GRM7: variants seen among roughly 807,000 people sequenced by gnomAD.
GRM7 encodes the protein metabotropic glutamate receptor 7.
Under a neutral mutation model 84.5 loss-of-function variants are expected in GRM7, and 35 were observed. The observed-to-expected ratio is 0.41, with a 90% confidence interval of 0.32 to 0.55. GRM7 has a LOEUF of 0.55. GRM7 is among the 20% of genes least tolerant of loss of function. GRM7 has a pLI of 0.19. For missense variants in GRM7, 1,003 were observed against 1,194.6 expected, an observed-to-expected ratio of 0.84 and a Z score of 2.36; for synonymous variants, 487 against 455.1, an observed-to-expected ratio of 1.07 and a Z score of -0.89.
Position 7,134,300 on chromosome 3 carries a change from A to G in GRM7, c.520-12152A>G, listed in dbSNP as rs114677112. Among the ~76,000 whole-genome samples, 851 of 152,158 alleles carry G rather than the reference A, an allele frequency of 5.6e-3. 9 individuals are homozygous for G. Among genetic ancestry groups the G allele is most frequent in the African/African-American group, 0.019 (801 of 41,490 alleles). On this transcript the variant is annotated intron_variant, in intron 1 of 9. Coordinates refer to ENST00000357716, the MANE Select transcript of GRM7 (RefSeq NM_000844.4). ...GCTTCTTCCTTATTTTCCATGTTCC[A>G]TAAAAAAATGGGATGAGACAAGTTC...
At chr3:7,389,765 T>C (rs1694919311) in intron 4 of GRM7, among the ~76,000 whole-genome samples, 1 of 152,166 alleles carries the variant, frequency 6.6e-6, no homozygotes, top group Non-Finnish European at 1.5e-5. Flanking sequence ...GATGGATGTC[T>C]TGAAGGGGCA....
At chr3:7,444,774 G>A (rs1307540906) in intron 5 of GRM7, among the ~76,000 whole-genome samples, 1 of 152,082 alleles carries the variant, frequency 6.6e-6, no homozygotes, top group Non-Finnish European at 1.5e-5. Context: ...ATTGAAAATG[G>A]AATTGCAGAA....
intron 1 of GRM7, among the ~76,000 whole-genome samples, chr3:7,057,388 G>A (rs1697266951): frequency 6.6e-6 from 1 of 151,852 alleles, no homozygotes; most frequent in South Asian, 2.1e-4. Context: ...TAATGCAATG[G>A]TTATCTCTAG....
intron 7 of GRM7, among the ~76,000 whole-genome samples, chr3:7,562,108 C>T (rs890817396): frequency 4.6e-5 from 7 of 152,210 alleles, no homozygotes; most frequent in Middle Eastern, 3.4e-3. Flanking sequence ...TTGAATACAA[C>T]GCTTTTGATT....
At chr3:7,291,500 CT>C (rs1699621716) in intron 2 of GRM7, among the ~76,000 whole-genome samples, 8 of 3,716 alleles carry the variant, frequency 2.2e-3, no homozygotes, top group Non-Finnish European at 2.9e-3. Context: ...CTCTCTCTCT[CT>C]CTCTCTCTCT....
intron 2 of GRM7, among the ~76,000 whole-genome samples, chr3:7,209,307 T>C (rs1457690696): frequency 2.8e-4 from 42 of 152,142 alleles, no homozygotes; most frequent in Admixed American, 2.8e-3. Flanking sequence ...GTTTGAACTG[T>C]TTATTGCTGT....
chr3:7,624,805 T>C (rs886428805), intron 8 of GRM7, among the ~76,000 whole-genome samples: 2 of 152,150 alleles, frequency 1.3e-5, no homozygotes, highest in African/African-American at 4.8e-5. Context: ...CTCTGTGTCT[T>C]TTCAAAGGTT....
intron 1 of GRM7, among the ~76,000 whole-genome samples, chr3:7,026,461 G>A (rs1042420878): frequency 5.3e-5 from 8 of 152,288 alleles, no homozygotes; most frequent in African/African-American, 1.4e-4. Context: ...AGAATTTGCC[G>A]TGTTGAATAT....
At chr3:6,895,737 A>T (rs1223425907) in intron 1 of GRM7, among the ~76,000 whole-genome samples, 1 of 152,196 alleles carries the variant, frequency 6.6e-6, no homozygotes, top group Non-Finnish European at 1.5e-5. Context: ...ATGGCATAAG[A>T]ATATTTGAAT....
intron 1 of GRM7, among the ~76,000 whole-genome samples, chr3:6,864,610 A>T (rs1010055919): frequency 1.3e-5 from 2 of 152,164 alleles, no homozygotes; most frequent in African/African-American, 4.8e-5. Context: ...CTTTCCAGTG[A>T]TTTGAGTTTT....
chr3:7,472,669 G>A (rs1698751411), intron 7 of GRM7, among the ~76,000 whole-genome samples: 1 of 152,180 alleles, frequency 6.6e-6, no homozygotes, highest in Admixed American at 6.5e-5. Context: ...AGTGAGAGAT[G>A]AGGCAACAAA....
At chr3:7,654,267 A>G (rs998065760) in intron 8 of GRM7, among the ~76,000 whole-genome samples, 2 of 152,188 alleles carry the variant, frequency 1.3e-5, no homozygotes, top group African/African-American at 4.8e-5. Flanking sequence ...CCTGGACATG[A>G]GTTTGTCCTT....
intron 8 of GRM7, among the ~76,000 whole-genome samples, chr3:7,666,031 G>GGACTT (rs1291633205): frequency 1.3e-5 from 2 of 152,094 alleles, no homozygotes; most frequent in Non-Finnish European, 2.9e-5. Flanking sequence ...TGGGAGAGTA[G>GGACTT]GACTTGAGAT....
Position 7,229,739 on chromosome 3 carries a change from ATATATATATATATATATATATTTT to A in GRM7, c.737-68943_737-68920del, listed in dbSNP as rs1559514551. On this transcript the variant is annotated intron_variant, in intron 2 of 9. Coordinates refer to ENST00000357716, the MANE Select transcript of GRM7 (RefSeq NM_000844.4). ...CATAGACACACACATATATATATAT[ATATATATATATATATATATATTTT>A]TTTTTTTTTTTGGTTGACAGGTGTT... Among the ~76,000 whole-genome samples the A allele has an allele frequency of 1.4e-3, 38 of 26,244 alleles. 2 individuals carry two copies. The highest frequency in any genetic ancestry group is 5.0e-3 in the African/African-American group (35 of 6,986). 17.2% of individuals were successfully genotyped at this position (26,244 alleles called of 152,430 possible). A position where few individuals can be genotyped will look rare whatever the true frequency, so the allele number is the denominator to read the frequency against.
chr3:6,919,923 G>A (rs1052011822), intron 1 of GRM7, among the ~76,000 whole-genome samples: 6 of 152,084 alleles, frequency 3.9e-5, no homozygotes, highest in African/African-American at 1.4e-4. Flanking sequence ...TAGAGGTGAA[G>A]CTTAGTTTCT....
At position 7,086,602 on chromosome 3, in the gene GRM7, G is replaced by A. The variant is rs114561306; in HGVS notation, c.520-59850G>A. On this transcript the variant is annotated intron_variant, in intron 1 of 9. Coordinates refer to ENST00000357716, the MANE Select transcript of GRM7 (RefSeq NM_000844.4). ...CTTCTGTGCAACTTGATGTTTGCCAGCCTCTAGAGCTCCACATCAACGTAT... is the reference window on the plus strand; with the variant it reads ...CTTCTGTGCAACTTGATGTTTGCCAACCTCTAGAGCTCCACATCAACGTAT... Among the ~76,000 whole-genome samples, 761 of 152,294 alleles carry A rather than the reference G, an allele frequency of 5.0e-3. 5 individuals carry two copies. Among genetic ancestry groups the A allele is most frequent in the Admixed American group, 9.2e-3 (140 of 15,296 alleles).
At chr3:7,219,679 C>T (rs752508576) in intron 2 of GRM7, among the ~76,000 whole-genome samples, 31 of 152,216 alleles carry the variant, frequency 2.0e-4, no homozygotes, top group African/African-American at 7.0e-4. Context: ...GGTTAGTGTT[C>T]GCATATTTTC....
chr3:7,439,608 G>A (rs568284568), intron 5 of GRM7, among the ~76,000 whole-genome samples: 1 of 152,140 alleles, frequency 6.6e-6, no homozygotes, highest in South Asian at 2.1e-4. Context: ...GACATACAGG[G>A]GTTAGGAATA....
At chr3:7,659,202 T>G (rs964237409) in intron 8 of GRM7, among the ~76,000 whole-genome samples, 2 of 152,238 alleles carry the variant, frequency 1.3e-5, no homozygotes, top group African/African-American at 4.8e-5. Context: ...TGAATATTAC[T>G]GCTTCCATAC....
Sources: allele counts gnomAD v4.1 joint callset (sites outside exome capture counted in the v4.1 genomes callset), GRCh38; gene constraint gnomAD v4.1.1; transcripts MANE v1.5; gene names NCBI Gene and HGNC (gene_info 2026-07-23, HGNC 2026-07-21).